Variants in RNF220 observed in about 807,000 individuals in gnomAD.
RNF220 encodes the protein ring finger protein 220.
A neutral mutation model predicts 67.1 loss-of-function variants in RNF220; 7 were observed. The ratio of observed to expected loss-of-function variants is 0.10; its 90% CI spans 0.06 to 0.20. The LOEUF (loss-of-function observed/expected upper bound fraction) is 0.20, where lower values mean the gene tolerates loss of function less well. Among genes scored for constraint, RNF220 ranks in the 10% least tolerant of loss-of-function variants. RNF220 has a pLI of 1.00. For missense variants in RNF220, 565 were observed against 740.3 expected, an observed-to-expected ratio of 0.76 and a Z score of 2.75; for synonymous variants, 270 against 283.2, an observed-to-expected ratio of 0.95 and a Z score of 0.47.
intron 2 of RNF220, among the ~76,000 whole-genome samples, chr1:44,530,566 C>T (rs1355009125): frequency 6.7e-6 from 1 of 149,268 alleles, no homozygotes; most frequent in Non-Finnish European, 1.5e-5. Flanking sequence ...AGAATTACAA[C>T]TCTCTTAAAA....
At chr1:44,494,481 T>C (rs1657152908) in intron 2 of RNF220, among the ~76,000 whole-genome samples, 1 of 151,972 alleles carries the variant, frequency 6.6e-6, no homozygotes, top group Admixed American at 6.6e-5. Context: ...GTTAAAAAAA[T>C]CATAATTTTT....
intron 2 of RNF220, among the ~76,000 whole-genome samples, chr1:44,490,866 G>A (rs758253849): frequency 3.3e-5 from 5 of 150,432 alleles, no homozygotes; most frequent in Non-Finnish European, 5.9e-5. Flanking sequence ...CAAGAGAGAG[G>A]ACTCAAATTA....
intron 2 of RNF220, among the ~76,000 whole-genome samples, chr1:44,557,341 C>T (rs1663190904): frequency 6.9e-6 from 1 of 144,328 alleles, no homozygotes; most frequent in Non-Finnish European, 1.5e-5. Context: ...TTCTGGGCAA[C>T]ATAGTGAGAC....
rs2147783700 is a variant in RNF220 at position 44,405,343 on chromosome 1, C to G, written c.-305C>G. On this transcript the variant is annotated 5_prime_UTR_variant, in exon 1 of 15. Coordinates refer to ENST00000361799, the MANE Select transcript of RNF220 (RefSeq NM_018150.4). ...CTTGATCTGTACATGCAATCCCAGG[C>G]AGCTCGCGAACACAAACCCGGGGCC... 1.7e-6 allele frequency: 1 copy of G among 577,766 alleles called. No homozygotes were observed. The highest frequency in any genetic ancestry group is 3.1e-6 in the Non-Finnish European group (1 of 326,356). 35.8% of individuals were successfully genotyped at this position (577,766 alleles called of 1,614,324 possible).
chr1:44,412,509 C>A lies in RNF220; in HGVS notation c.412C>A (p.Pro138Thr), dbSNP rs1215144065. 1.2e-6 allele frequency: 2 copies of A among 1,613,674 alleles called. No homozygotes were observed. Among genetic ancestry groups the A allele is most frequent in the Admixed American group, 3.3e-5 (2 of 59,994 alleles). ...DRESYQSAFT[P>T]AKRLKNCHDT... ...GGAGAGCTATCAGTCAGCCTTTACGCCGGCCAAGCGACTTAAGAACTGCCA... is the reference window on the plus strand; with the variant it reads ...GGAGAGCTATCAGTCAGCCTTTACGACGGCCAAGCGACTTAAGAACTGCCA... The change falls in exon 2 of 15, where the codon CCG becomes ACG. Residue 138 changes from proline (P) to threonine (T), a missense_variant. Coordinates refer to ENST00000361799, the MANE Select transcript of RNF220 (RefSeq NM_018150.4). The surrounding 1 kb of genome is among the most constrained non-coding windows in gnomAD (Gnocchi z 5.3).
chr1:44,573,240 G>A (rs769444896), intron 2 of RNF220, among the ~76,000 whole-genome samples: 3 of 152,248 alleles, frequency 2.0e-5, no homozygotes, highest in Non-Finnish European at 4.4e-5. Flanking sequence ...CTATGTGTTG[G>A]GTGCCAAGGA....
chr1:44,517,809 T>C (rs568295252), intron 2 of RNF220, among the ~76,000 whole-genome samples: 2 of 152,368 alleles, frequency 1.3e-5, no homozygotes, highest in South Asian at 4.1e-4. Flanking sequence ...GAGCTTGGAT[T>C]TAAATCCGCC....
chr1:44,576,298 G>A (rs1291121907), intron 2 of RNF220, among the ~76,000 whole-genome samples: 1 of 152,210 alleles, frequency 6.6e-6, no homozygotes, highest in Non-Finnish European at 1.5e-5. Flanking sequence ...GCCAGGAGGA[G>A]TGAACTTTGT....
At chr1:44,598,417 G>A (rs1217775482) in intron 2 of RNF220, among the ~76,000 whole-genome samples, 2 of 152,214 alleles carry the variant, frequency 1.3e-5, no homozygotes, top group African/African-American at 4.8e-5. Context: ...GAGTGAAGAC[G>A]TGAATTCTCC....
chr1:44,548,456 C>G (rs74322195), intron 2 of RNF220, among the ~76,000 whole-genome samples: 2,682 of 152,242 alleles, frequency 0.018, 37 homozygotes, highest in Non-Finnish European at 0.023. Context: ...CCCACCTAGA[C>G]TCCTTCATTC....
At chr1:44,613,482 C>T (rs1663794) in intron 2 of RNF220, among the ~76,000 whole-genome samples, 138,603 of 152,308 alleles carry the variant, frequency 0.91, 63,486 homozygotes, top group Non-Finnish European at 0.96. Context: ...CGGCCAGGTG[C>T]GGTGGCTCAT....
intron 5 of RNF220, 154 bp downstream of exon 5, chr1:44,626,552 C>T (rs1426160526): frequency 3.5e-5 from 22 of 623,652 alleles, no homozygotes; most frequent in Non-Finnish European, 6.0e-5. Flanking sequence ...CCTAAGTGAA[C>T]TCAGGAGGCA....
intron 2 of RNF220, among the ~76,000 whole-genome samples, chr1:44,534,009 T>C (rs974794591): frequency 1.3e-5 from 2 of 152,226 alleles, no homozygotes; most frequent in Non-Finnish European, 2.9e-5. Context: ...AGACTCTTGC[T>C]CTGTTGCCCA....
At chr1:44,627,848 C>A (rs1383320668) in intron 5 of RNF220, among the ~76,000 whole-genome samples, 1 of 152,242 alleles carries the variant, frequency 6.6e-6, no homozygotes, top group African/African-American at 2.4e-5. Flanking sequence ...GTTCTCTGCA[C>A]CCCTTCCTTC....
intron 12 of RNF220, among the ~76,000 whole-genome samples, chr1:44,646,411 C>T (rs542500921): frequency 9.8e-5 from 15 of 152,386 alleles, no homozygotes; most frequent in African/African-American, 2.9e-4. Flanking sequence ...GTATGGGCCG[C>T]GGCGCAGGGC....
intron 2 of RNF220, among the ~76,000 whole-genome samples, chr1:44,585,665 C>A (rs1391927789): frequency 6.6e-6 from 1 of 152,184 alleles, no homozygotes; most frequent in Non-Finnish European, 1.5e-5. Context: ...AAAGCAGAGA[C>A]CACGAGAAGT....
chr1:44,650,361 C>T lies in RNF220; in HGVS notation c.1630-343C>T, dbSNP rs913958730. On this transcript the variant is annotated intron_variant, in intron 14 of 14. Transcript: ENST00000361799. This position sits in a 1 kb window ranked among gnomAD's most constrained non-coding sequence, Gnocchi z 4.3. ...CGCTCAGGAGCAGCCATTAAAATGTCGCCCGGAGACAGTAATAAAAGGCTC... is the reference window on the plus strand; with the variant it reads ...CGCTCAGGAGCAGCCATTAAAATGTTGCCCGGAGACAGTAATAAAAGGCTC... The T allele has an allele frequency of 4.3e-6, 2 of 465,122 alleles. No individual in the cohort carries two copies. The highest frequency in any genetic ancestry group is 3.9e-5 in the East Asian group (1 of 25,898). 28.8% of individuals were successfully genotyped at this position (465,122 alleles called of 1,614,324 possible).
At chr1:44,425,507 C>A (rs1362359100) in intron 2 of RNF220, among the ~76,000 whole-genome samples, 1 of 152,124 alleles carries the variant, frequency 6.6e-6, no homozygotes, top group Non-Finnish European at 1.5e-5. Flanking sequence ...CAGGATCCAC[C>A]ACAACACTGG....
At chr1:44,599,366 G>C (rs1325620075) in intron 2 of RNF220, among the ~76,000 whole-genome samples, 1 of 152,190 alleles carries the variant, frequency 6.6e-6, no homozygotes, top group Non-Finnish European at 1.5e-5. Context: ...AGCATTGTCT[G>C]AGTGTGGTCT....
Sources: gnomAD v4.1 joint callset for allele counts (sites outside exome capture counted in the v4.1 genomes callset) on GRCh38, gnomAD v4.1.1 for gene constraint, Gnocchi (gnomAD v3.1) non-coding constraint, MANE v1.5 for transcripts, NCBI Gene and HGNC (gene_info 2026-07-23, HGNC 2026-07-21) for gene names.